Variants in ITGAM observed in about 807,000 individuals in gnomAD.
The protein encoded by ITGAM is integrin subunit alpha M.
Under a neutral mutation model 137.5 loss-of-function variants are expected in ITGAM, and 79 were observed. The ratio of observed to expected loss-of-function variants is 0.57; its 90% CI spans 0.48 to 0.69. The LOEUF is 0.69. Among genes scored for constraint, ITGAM ranks in the 30% least tolerant of loss-of-function variants. The probability of loss-of-function intolerance (pLI) is 0.00; values close to 1 mark genes in which losing one functional copy is unlikely to be tolerated. For missense variants in ITGAM, 1,343 were observed against 1,483.5 expected (o/e 0.91, Z 1.56); for synonymous variants, 583 against 592.3 (o/e 0.98, Z 0.23).
chr16:31,330,614 C>T lies in ITGAM; in HGVS notation c.3276+9C>T. On this transcript the variant is annotated intron_variant, in intron 28 of 29. Coordinates refer to ENST00000544665, the MANE Select transcript of ITGAM (RefSeq NM_000632.4). ...CGTTTGTGAGGTCCCAGGTACCTGT[C>T]TTGGGCGCTGAGGAACTATTGGAGG... is the stretch of plus-strand genomic sequence containing the variant. The T allele has an allele frequency of 6.3e-7, 1 of 1,588,146 alleles. No individual in the cohort carries two copies. The highest frequency in any genetic ancestry group is 8.6e-7 in the Non-Finnish European group (1 of 1,165,028).
At chr16:31,326,044 C>T (rs747186809) in intron 21 of ITGAM, among the ~76,000 whole-genome samples, 20 of 151,716 alleles carry the variant, frequency 1.3e-4, no homozygotes, top group African/African-American at 2.4e-4. Context: ...CTAGCCTAGG[C>T]GACAGAGTGA....
chr16:31,312,351 A>T, intron 14 of ITGAM, among the ~76,000 whole-genome samples: 1 of 152,236 alleles, frequency 6.6e-6, no homozygotes. Context: ...AAGAACATGC[A>T]AGAATGTAAC....
chr16:31,274,920 A>G (rs1368537404), intron 8 of ITGAM, among the ~76,000 whole-genome samples: 4 of 152,182 alleles, frequency 2.6e-5, no homozygotes, highest in South Asian at 4.1e-4. Context: ...CACCTGGCCT[A>G]TTTAAAAAAT....
At chr16:31,265,734 G>C in intron 3 of ITGAM, 77 bp from the exon 4 acceptor site, 1 of 1,281,032 alleles carries the variant, frequency 7.8e-7, no homozygotes, top group South Asian at 1.3e-5. Context: ...CCCGCATGGA[G>C]GTGACCCCTG....
At chr16:31,314,713 C>G (rs939846020) in intron 14 of ITGAM, among the ~76,000 whole-genome samples, 1 of 151,820 alleles carries the variant, frequency 6.6e-6, no homozygotes, top group Non-Finnish European at 1.5e-5. Flanking sequence ...GCTATATGGG[C>G]TCTTTTTTGG....
At chr16:31,262,343 CCTTCCTTCCTT>C (rs2079711871) in intron 2 of ITGAM, among the ~76,000 whole-genome samples, 2 of 35,448 alleles carry the variant, frequency 5.6e-5, no homozygotes, top group African/African-American at 2.2e-4. Context: ...TTCCATCCTT[CCTTCCTTCCTT>C]CCTTCCTTCC....
intron 19 of ITGAM, 112 bp from the exon 20 acceptor site, chr16:31,325,151 C>A: frequency 6.8e-7 from 1 of 1,471,474 alleles, no homozygotes; most frequent in Non-Finnish European, 9.1e-7. Flanking sequence ...GGTGTGGCTG[C>A]CCCTCCACTG....
intron 19 of ITGAM, 98 bp from the exon 20 acceptor site, chr16:31,325,165 T>A: frequency 6.7e-7 from 1 of 1,500,622 alleles, no homozygotes; most frequent in South Asian, 1.3e-5. Flanking sequence ...TCCACTGTTG[T>A]CTCTTCATCA....
Position 31,269,253 on chromosome 16 carries a change from A to G in ITGAM, c.428-1701A>G, listed in dbSNP as rs944058276. ...CCATCAAGTGCAAGGTCTGCAAAAT[A>G]TCTCAAGCACTGATTTTAGGAGCAG... On this transcript the variant is annotated intron_variant, in intron 5 of 29. Transcript: ENST00000544665. 5.9e-5 allele frequency among the ~76,000 whole-genome samples: 9 copies of G among 152,148 alleles called. 1 individual carries two copies. The highest frequency in any genetic ancestry group is 2.2e-4 in the African/African-American group (9 of 41,430).
chr16:31,317,127 G>T (rs1454508856), intron 14 of ITGAM, among the ~76,000 whole-genome samples: 1 of 152,014 alleles, frequency 6.6e-6, no homozygotes, highest in East Asian at 1.9e-4. Context: ...AGGACTTTCA[G>T]TACTGTGTTG....
At chr16:31,276,531 C>T in intron 9 of ITGAM, 140 bp from the exon 10 acceptor site, 1 of 617,470 alleles carries the variant, frequency 1.6e-6, no homozygotes, top group Non-Finnish European at 2.9e-6. Context: ...GGGGTTTCAC[C>T]ATGTTCACCA....
intron 10 of ITGAM, 56 bp downstream of exon 10, chr16:31,276,800 A>T (rs9939679): frequency 3.9e-6 from 6 of 1,538,420 alleles, no homozygotes; most frequent in Non-Finnish European, 5.3e-6. Context: ...AAGAAGAGAT[A>T]GGAGAGATGT....
chr16:31,271,377 G>A (rs2079837828), intron 6 of ITGAM, among the ~76,000 whole-genome samples: 1 of 152,152 alleles, frequency 6.6e-6, no homozygotes, highest in South Asian at 2.1e-4. Context: ...TTTTGAGACA[G>A]AATCTCACTC....
At chr16:31,321,402 T>G (rs2080448878) in intron 15 of ITGAM, 31 bp downstream of exon 15, 1 of 1,613,678 alleles carries the variant, frequency 6.2e-7, no homozygotes, top group Admixed American at 1.7e-5. Context: ...CAACCGGACA[T>G]TCTCCCTTGA....
chr16:31,267,826 T>C (rs1262241954), intron 5 of ITGAM, among the ~76,000 whole-genome samples: 1 of 151,948 alleles, frequency 6.6e-6, no homozygotes, highest in Admixed American at 6.6e-5. Flanking sequence ...GTATTTTTTG[T>C]AGAGATGGGG....
intron 13 of ITGAM, 33 bp downstream of exon 13, chr16:31,297,687 C>A: frequency 6.2e-7 from 1 of 1,605,664 alleles, no homozygotes; most frequent in Admixed American, 1.8e-5. Flanking sequence ...CTGGGTGGGG[C>A]CCGGTGTGGG....
At chr16:31,271,748 T>G in intron 6 of ITGAM, 99 bp from the exon 7 acceptor site, 1 of 1,429,870 alleles carries the variant, frequency 7.0e-7, no homozygotes, top group Non-Finnish European at 9.6e-7. Context: ...AGGAGGAATT[T>G]GGAGAGTGGA....
intron 14 of ITGAM, among the ~76,000 whole-genome samples, chr16:31,315,471 T>A (rs917440454): frequency 1.3e-5 from 2 of 152,194 alleles, no homozygotes; most frequent in African/African-American, 4.8e-5. Flanking sequence ...AATTTAATTT[T>A]ATTTTAGATG....
chr16:31,298,062 G>A, intron 14 of ITGAM, 108 bp downstream of exon 14: 1 of 910,842 alleles, frequency 1.1e-6, no homozygotes, highest in East Asian at 2.6e-5. Context: ...ACTCCTTTCA[G>A]AACCTTCAAA....
Sources: gnomAD v4.1 joint callset for allele counts (sites outside exome capture counted in the v4.1 genomes callset) on GRCh38, gnomAD v4.1.1 for gene constraint, MANE v1.5 for transcripts, NCBI Gene and HGNC (gene_info 2026-07-23, HGNC 2026-07-21) for gene names.